KCND2: variants seen among roughly 807,000 people sequenced by gnomAD.
KCND2 encodes the protein potassium voltage-gated channel subfamily D member 2.
In KCND2, 16 loss-of-function variants were observed where a neutral mutation model predicts 54.4. The ratio of observed to expected loss-of-function variants is 0.29; its 90% confidence interval spans 0.20 to 0.45. KCND2 has a LOEUF of 0.45. KCND2 is among the 20% of genes least tolerant of loss of function. KCND2 has a pLI of 1.00. For synonymous variants in KCND2, 317 were observed against 310.7 expected (o/e 1.02, Z -0.21); for missense variants, 486 against 824.2 (o/e 0.59, Z 5.02).
chr7:120,549,878 T>G (rs1792085451), intron 1 of KCND2, among the ~76,000 whole-genome samples: 1 of 152,280 alleles, frequency 6.6e-6, no homozygotes. Context: ...TTTCTTAACC[T>G]CAGCTATTGT....
chr7:120,320,318 G>A (rs1326636426), intron 1 of KCND2, among the ~76,000 whole-genome samples: 1 of 152,114 alleles, frequency 6.6e-6, no homozygotes, highest in Non-Finnish European at 1.5e-5. Flanking sequence ...TGTCACTTTG[G>A]TCTAGCCTAG....
At chr7:120,382,959 A>G (rs1359501870) in intron 1 of KCND2, among the ~76,000 whole-genome samples, 2 of 151,940 alleles carry the variant, frequency 1.3e-5, no homozygotes, top group Non-Finnish European at 1.5e-5. Context: ...GTCCAATGTC[A>G]AGATCAAACG....
chr7:120,724,527 G>A (rs1199893796), intron 1 of KCND2, among the ~76,000 whole-genome samples: 2 of 152,300 alleles, frequency 1.3e-5, no homozygotes, highest in South Asian at 2.1e-4. Flanking sequence ...AGACTATGGG[G>A]TGTATGTGGG....
At chr7:120,432,568 A>G (rs1276315413) in intron 1 of KCND2, among the ~76,000 whole-genome samples, 1 of 152,244 alleles carries the variant, frequency 6.6e-6, no homozygotes, top group African/African-American at 2.4e-5. Flanking sequence ...TTTAAGAGAA[A>G]TGAAAACATA....
intron 1 of KCND2, among the ~76,000 whole-genome samples, chr7:120,291,086 G>A (rs1799428944): frequency 6.6e-6 from 1 of 151,952 alleles, no homozygotes. Context: ...TGTGGCACAA[G>A]TAATCCATTT....
intron 1 of KCND2, among the ~76,000 whole-genome samples, chr7:120,357,221 A>C (rs1184974444): frequency 6.6e-6 from 1 of 152,130 alleles, no homozygotes; most frequent in Non-Finnish European, 1.5e-5. Context: ...TTCACCTCTA[A>C]TAATATTGAA....
intron 1 of KCND2, among the ~76,000 whole-genome samples, chr7:120,494,638 T>G (rs1802825590): frequency 6.6e-6 from 1 of 152,170 alleles, no homozygotes; most frequent in Non-Finnish European, 1.5e-5. Context: ...CTCTATTAAA[T>G]AGCCCTGCTG....
At chr7:120,309,002 G>A (rs9649422) in intron 1 of KCND2, among the ~76,000 whole-genome samples, 145,691 of 152,256 alleles carry the variant, frequency 0.96, 70,022 homozygotes, top group East Asian at 1. Flanking sequence ...AGATTTTTAA[G>A]AAATGGCCTG....
intron 1 of KCND2, among the ~76,000 whole-genome samples, chr7:120,401,871 A>G (rs571394177): frequency 6.6e-6 from 1 of 152,260 alleles, no homozygotes; most frequent in South Asian, 2.1e-4. Context: ...TATATCCTAA[A>G]GCACATTGAA....
At chr7:120,411,971 C>G (rs181469888) in intron 1 of KCND2, among the ~76,000 whole-genome samples, 43 of 152,038 alleles carry the variant, frequency 2.8e-4, no homozygotes, top group African/African-American at 8.7e-4. Flanking sequence ...TGGCTAAGCA[C>G]CATCTAGCAA....
intron 1 of KCND2, among the ~76,000 whole-genome samples, chr7:120,596,650 A>G (rs1347736076): frequency 1.3e-5 from 2 of 152,184 alleles, no homozygotes; most frequent in Non-Finnish European, 2.9e-5. Context: ...CATTGAGAAG[A>G]ATATTCACAA....
At chr7:120,386,222 A>G (rs561934493) in intron 1 of KCND2, among the ~76,000 whole-genome samples, 1 of 152,284 alleles carries the variant, frequency 6.6e-6, no homozygotes, top group South Asian at 2.1e-4. Context: ...GGATATGGAA[A>G]CATTTTGCTA....
intron 1 of KCND2, among the ~76,000 whole-genome samples, chr7:120,334,918 A>G (rs1212824281): frequency 6.6e-6 from 1 of 152,180 alleles, no homozygotes; most frequent in Non-Finnish European, 1.5e-5. Context: ...GAATAATGTC[A>G]TGGTTCAGTA....
intron 1 of KCND2, among the ~76,000 whole-genome samples, chr7:120,494,881 T>C (rs1031973491): frequency 1.3e-5 from 2 of 152,174 alleles, no homozygotes; most frequent in Non-Finnish European, 2.9e-5. Context: ...AATGGAATCA[T>C]TTAAACAGGC....
At chr7:120,634,192 G>C (rs2116519458) in intron 1 of KCND2, among the ~76,000 whole-genome samples, 2 of 152,178 alleles carry the variant, frequency 1.3e-5, no homozygotes, top group African/African-American at 4.8e-5. Flanking sequence ...TCAACTCTTT[G>C]AGCCTTAGCT....
At chr7:120,358,750 G>A (rs914529445) in intron 1 of KCND2, among the ~76,000 whole-genome samples, 1 of 152,058 alleles carries the variant, frequency 6.6e-6, no homozygotes, top group African/African-American at 2.4e-5. Context: ...CTTGCCTAAG[G>A]TTTGTAACCA....
rs190712727 is a variant in KCND2, at chr7:120,523,039, C to A, written c.1116-209864C>A. On this transcript the variant is annotated intron_variant, in intron 1 of 5. Transcript: ENST00000331113. ...AAGACACAGAGCCCATGTAGGTGAACGATACAGATGAGGTGGGCAAGTGTT... is the reference window on the plus strand; with the variant it reads ...AAGACACAGAGCCCATGTAGGTGAAAGATACAGATGAGGTGGGCAAGTGTT... 3.6e-4 allele frequency among the ~76,000 whole-genome samples: 55 copies of A among 152,180 alleles called. No individual in the cohort carries two copies. The East Asian group carries it at 0.01, about 29-fold the overall frequency.
At chr7:120,678,738 GTATATATA>G (rs66483423) in intron 1 of KCND2, among the ~76,000 whole-genome samples, 2,350 of 115,756 alleles carry the variant, frequency 0.02, 36 homozygotes, top group Admixed American at 0.035. Context: ...GTGTGTGAGT[GTATATATA>G]TATATATATA....
chr7:120,670,238 C>A (rs867964982), intron 1 of KCND2, among the ~76,000 whole-genome samples: 4 of 152,056 alleles, frequency 2.6e-5, no homozygotes, highest in Non-Finnish European at 5.9e-5. Flanking sequence ...TCCAGACCAG[C>A]GTATCATTTT....
Sources: gnomAD v4.1 joint callset for allele counts (sites outside exome capture counted in the v4.1 genomes callset) on GRCh38, gnomAD v4.1.1 for gene constraint, MANE v1.5 for transcripts, NCBI Gene and HGNC (gene_info 2026-07-23, HGNC 2026-07-21) for gene names.